Variants in IGF1R observed in about 807,000 individuals in gnomAD.
The protein encoded by IGF1R is insulin like growth factor 1 receptor.
In IGF1R, 44 loss-of-function variants were observed where a neutral mutation model predicts 144.6. The ratio of observed to expected loss-of-function variants is 0.30; its 90% CI spans 0.24 to 0.39. IGF1R has a LOEUF of 0.39. IGF1R is among the 10% of genes least tolerant of loss of function. The probability of loss-of-function intolerance (pLI) is 1.00; values close to 1 mark genes in which losing one functional copy is unlikely to be tolerated. For missense variants in IGF1R, 1,355 were observed against 1,833.7 expected, an observed-to-expected ratio of 0.74 and a Z score of 4.77; for synonymous variants, 795 against 722.8, an observed-to-expected ratio of 1.10 and a Z score of -1.60.
At chr15:98,827,121 A>G (rs2056908465) in intron 2 of IGF1R, among the ~76,000 whole-genome samples, 2 of 128,332 alleles carry the variant, frequency 1.6e-5, no homozygotes, top group African/African-American at 2.4e-5. Flanking sequence ...AATTGTGTCT[A>G]ATCCTTCCCC....
intron 2 of IGF1R, among the ~76,000 whole-genome samples, chr15:98,872,225 G>A (rs964658196): frequency 6.6e-6 from 1 of 152,222 alleles, no homozygotes; most frequent in African/African-American, 2.4e-5. Context: ...CATTTGAGCA[G>A]AGGTGAAATT....
intron 2 of IGF1R, among the ~76,000 whole-genome samples, chr15:98,825,058 C>G (rs892965524): frequency 5.3e-5 from 8 of 152,082 alleles, no homozygotes; most frequent in Non-Finnish European, 8.8e-5. Flanking sequence ...GAGGTCAGGT[C>G]GAACTCCTGA....
At chr15:98,931,990 G>A (rs1323991894) in intron 15 of IGF1R, among the ~76,000 whole-genome samples, 1 of 152,208 alleles carries the variant, frequency 6.6e-6, no homozygotes, top group African/African-American at 2.4e-5. Flanking sequence ...TGTGAGGGTG[G>A]ACTGTGACTC....
chr15:98,785,273 T>G (rs1468181032), intron 2 of IGF1R, among the ~76,000 whole-genome samples: 1 of 152,262 alleles, frequency 6.6e-6, no homozygotes, highest in African/African-American at 2.4e-5. Flanking sequence ...ATATCTAGTT[T>G]GTACCAAGAA....
intron 2 of IGF1R, among the ~76,000 whole-genome samples, chr15:98,835,057 C>G (rs1190845035): frequency 6.7e-6 from 1 of 148,588 alleles, no homozygotes; most frequent in African/African-American, 2.5e-5. Context: ...TTTTAGGTGG[C>G]CAGGGCAAGA....
intron 18 of IGF1R, 126 bp from the exon 19 acceptor site, chr15:98,942,797 C>T: frequency 2.3e-6 from 3 of 1,279,928 alleles, no homozygotes; most frequent in South Asian, 2.4e-5. Context: ...ATTTGGCCAC[C>T]TTAAAGTGGG....
In IGF1R at chr15:98,688,298, C is replaced by T. The variant is rs184484882; in HGVS notation, c.95-19264C>T. Among the ~76,000 whole-genome samples the T allele has an allele frequency of 4.6e-3, 662 of 142,756 alleles. 5 individuals are homozygous for T. The highest frequency in any genetic ancestry group is 0.018 in the African/African-American group (644 of 35,242). 93.7% of individuals were successfully genotyped at this position (142,756 alleles called of 152,430 possible). A position where few individuals can be genotyped will look rare whatever the true frequency, so the allele number is the denominator to read the frequency against. On this transcript the variant is annotated intron_variant, in intron 1 of 20. Transcript: ENST00000650285. The stretch of plus-strand genomic sequence containing the variant: ...CTGTTTTCTCCCCCGCCCCTTCTCT[C>T]CTACTCTCCTTCCTCTCCCACTCTC...
At chr15:98,884,061 C>T (rs1263219853) in intron 2 of IGF1R, among the ~76,000 whole-genome samples, 1 of 152,156 alleles carries the variant, frequency 6.6e-6, no homozygotes, top group Non-Finnish European at 1.5e-5. Context: ...GATGAATATA[C>T]TGTAATCCCC....
At chr15:98,677,394 T>C (rs911628748) in intron 1 of IGF1R, among the ~76,000 whole-genome samples, 2 of 152,194 alleles carry the variant, frequency 1.3e-5, no homozygotes, top group African/African-American at 4.8e-5. Flanking sequence ...GAATCATTGA[T>C]GACAAATAAG....
At chr15:98,955,621 C>G (rs1414454113) in intron 20 of IGF1R, among the ~76,000 whole-genome samples, 1 of 152,342 alleles carries the variant, frequency 6.6e-6, no homozygotes, top group East Asian at 1.9e-4. Flanking sequence ...TCCCTCACAC[C>G]CAGGCCCACC....
At chr15:98,658,149 G>T (rs2052527537) in intron 1 of IGF1R, among the ~76,000 whole-genome samples, 2 of 152,200 alleles carry the variant, frequency 1.3e-5, no homozygotes, top group African/African-American at 4.8e-5. Context: ...CCCAGCATCT[G>T]TGCATTAGCT....
chr15:98,905,680 A>C lies in IGF1R; in HGVS notation c.1248-3005A>C, dbSNP rs551913810. Among the ~76,000 whole-genome samples the C allele has an allele frequency of 3.1e-4, 47 of 152,252 alleles. No homozygotes were observed. The South Asian group carries it at 8.3e-3, about 27-fold the overall frequency. On this transcript the variant is annotated intron_variant, in intron 5 of 20. Transcript: ENST00000650285. ...CCCTGTCTCAAGGGGAAAAAAAAAA[A>C]AAAACCTAATTTTTAAAAGCATTCT...
chr15:98,833,856 C>T (rs968977001), intron 2 of IGF1R, among the ~76,000 whole-genome samples: 2 of 152,178 alleles, frequency 1.3e-5, no homozygotes, highest in Admixed American at 6.5e-5. Context: ...AACATGCTAT[C>T]TAGAGGCAGC....
intron 2 of IGF1R, among the ~76,000 whole-genome samples, chr15:98,852,406 C>G (rs1041269592): frequency 5.9e-5 from 9 of 152,202 alleles, no homozygotes; most frequent in Non-Finnish European, 1.0e-4. Flanking sequence ...GAATAACACG[C>G]CAATCACCAG....
chr15:98,788,563 G>C (rs1260481356), intron 2 of IGF1R, among the ~76,000 whole-genome samples: 1 of 152,218 alleles, frequency 6.6e-6, no homozygotes, highest in East Asian at 1.9e-4. Flanking sequence ...AAGCTTCCCT[G>C]TTTGGGGGAG....
chr15:98,940,045 A>G (rs2016308911), intron 18 of IGF1R, among the ~76,000 whole-genome samples: 1 of 152,238 alleles, frequency 6.6e-6, no homozygotes, highest in Non-Finnish European at 1.5e-5. Flanking sequence ...ATTTCTGAGC[A>G]ATGGTTAAAA....
intron 2 of IGF1R, among the ~76,000 whole-genome samples, chr15:98,870,761 A>G (rs373472588): frequency 6.6e-6 from 1 of 152,224 alleles, no homozygotes; most frequent in Non-Finnish European, 1.5e-5. Flanking sequence ...GGATGAGTGA[A>G]TGCAACTTCC....
At chr15:98,699,838 A>T (rs893594350) in intron 1 of IGF1R, among the ~76,000 whole-genome samples, 1 of 152,174 alleles carries the variant, frequency 6.6e-6, no homozygotes, top group Non-Finnish European at 1.5e-5. Context: ...AACAGTTCAC[A>T]TTCAAATTAC....
At chr15:98,711,949 A>T (rs1336213149) in intron 2 of IGF1R, among the ~76,000 whole-genome samples, 1 of 152,116 alleles carries the variant, frequency 6.6e-6, no homozygotes, top group African/African-American at 2.4e-5. Flanking sequence ...CACATGTTGG[A>T]AGGGGCGAGG....
Sources: allele counts gnomAD v4.1 joint callset (sites outside exome capture counted in the v4.1 genomes callset), GRCh38; gene constraint gnomAD v4.1.1; transcripts MANE v1.5; gene names NCBI Gene and HGNC (gene_info 2026-07-23, HGNC 2026-07-21).